Variants in NEDD4L observed in about 807,000 individuals in gnomAD.
NEDD4L encodes the protein NEDD4 like E3 ubiquitin protein ligase.
NEDD4L carries 54 observed loss-of-function variants against 148.9 expected under a neutral mutation model. The observed-to-expected ratio is 0.36, with a 90% CI of 0.29 to 0.45. NEDD4L has a LOEUF of 0.45. Among genes scored for constraint, NEDD4L ranks in the 20% least tolerant of loss-of-function variants. The pLI is 1.00. For missense variants in NEDD4L, 856 were observed against 1,233.8 expected (o/e 0.69, Z 4.59); for synonymous variants, 433 against 440.7 (o/e 0.98, Z 0.22).
At chr18:58,071,453 A>G (rs114028883) in intron 1 of NEDD4L, among the ~76,000 whole-genome samples, 2,263 of 152,352 alleles carry the variant, frequency 0.015, 55 homozygotes, top group African/African-American at 0.051. Context: ...CTTAGCAGGT[A>G]TGAACTGGCA....
intron 2 of NEDD4L, among the ~76,000 whole-genome samples, chr18:58,187,362 G>T (rs1351218767): frequency 6.6e-6 from 1 of 152,184 alleles, no homozygotes; most frequent in Admixed American, 6.5e-5. Context: ...GAGGGCAGGG[G>T]ATGGGTAAGA....
intron 1 of NEDD4L, among the ~76,000 whole-genome samples, chr18:58,153,087 C>T (rs1362044239): frequency 6.6e-6 from 1 of 152,200 alleles, no homozygotes; most frequent in Non-Finnish European, 1.5e-5. Flanking sequence ...CACCTGGCCT[C>T]AGGCTGCATC....
At chr18:58,109,704 G>T (rs962260380) in intron 1 of NEDD4L, among the ~76,000 whole-genome samples, 7 of 151,406 alleles carry the variant, frequency 4.6e-5, no homozygotes, top group African/African-American at 1.7e-4. Flanking sequence ...CCAAGTAGCT[G>T]GGATTACAGG....
intron 1 of NEDD4L, among the ~76,000 whole-genome samples, chr18:58,140,538 A>G (rs1181538120): frequency 6.6e-6 from 1 of 152,108 alleles, no homozygotes; most frequent in Non-Finnish European, 1.5e-5. Flanking sequence ...GAGGAAATAC[A>G]TAGTGTGTCC....
chr18:58,073,952 C>T (rs1157547864), intron 1 of NEDD4L, among the ~76,000 whole-genome samples: 1 of 152,202 alleles, frequency 6.6e-6, no homozygotes, highest in Non-Finnish European at 1.5e-5. Flanking sequence ...GCTGAAATAT[C>T]TGGCTTGTGC....
intron 1 of NEDD4L, among the ~76,000 whole-genome samples, chr18:58,123,967 A>G (rs2030525324): frequency 1.3e-5 from 2 of 152,192 alleles, no homozygotes; most frequent in African/African-American, 4.8e-5. Context: ...CATCCTTCCA[A>G]ATAGCGTAAA....
chr18:58,149,854 C>T (rs951432201), intron 1 of NEDD4L, among the ~76,000 whole-genome samples: 4 of 152,072 alleles, frequency 2.6e-5, no homozygotes, highest in Admixed American at 6.6e-5. Context: ...GTAGGAACAC[C>T]GTGACAGTTG....
At chr18:58,386,436 AC>A (rs1271665895) in intron 26 of NEDD4L, among the ~76,000 whole-genome samples, 1 of 152,122 alleles carries the variant, frequency 6.6e-6, no homozygotes, top group Admixed American at 6.5e-5. Context: ...CATGGAAAAC[AC>A]ATTTTCTTAA....
chr18:58,085,200 C>T (rs1431499367), intron 1 of NEDD4L, among the ~76,000 whole-genome samples: 2 of 152,124 alleles, frequency 1.3e-5, no homozygotes, highest in Admixed American at 1.3e-4. Flanking sequence ...TGGTTCAACC[C>T]AATGAGAACA....
chr18:58,115,245 C>CTTTTTTTTTTTTTTTTTTT (rs60541981), intron 1 of NEDD4L, among the ~76,000 whole-genome samples: 3 of 129,538 alleles, frequency 2.3e-5, no homozygotes, highest in African/African-American at 8.8e-5. Flanking sequence ...TTCTTTCTTT[C>CTTTTTTTTTTTTTTTTTTT]TTTTTTTTTT....
chr18:58,195,548 C>T, intron 2 of NEDD4L: 1 of 1,339,394 alleles, frequency 7.5e-7, no homozygotes, highest in Admixed American at 2.0e-5. Flanking sequence ...AGAGCCCTGT[C>T]CACGCGGTGC....
chr18:58,055,881 T>C (rs1419365062), intron 1 of NEDD4L, among the ~76,000 whole-genome samples: 1 of 152,244 alleles, frequency 6.6e-6, no homozygotes, highest in East Asian at 1.9e-4. Context: ...TTGTCTCCTG[T>C]GATCAGACTC....
intron 2 of NEDD4L, among the ~76,000 whole-genome samples, chr18:58,193,395 C>G (rs1317144337): frequency 1.3e-5 from 2 of 152,246 alleles, no homozygotes; most frequent in African/African-American, 2.4e-5. Flanking sequence ...ATACTGCAAA[C>G]AGATGCCACT....
At chr18:58,369,733 G>A (rs780377173) in intron 22 of NEDD4L, among the ~76,000 whole-genome samples, 1 of 152,204 alleles carries the variant, frequency 6.6e-6, no homozygotes, top group Non-Finnish European at 1.5e-5. Flanking sequence ...TTTGGATCAG[G>A]TGAAATGGAG....
intron 2 of NEDD4L, among the ~76,000 whole-genome samples, chr18:58,183,645 A>G (rs2039100771): frequency 6.6e-6 from 1 of 152,208 alleles, no homozygotes; most frequent in African/African-American, 2.4e-5. Flanking sequence ...TCCATGCTGC[A>G]CGCATGGGCC....
At chr18:58,330,956 T>G (rs1037260752) in intron 11 of NEDD4L, 42 bp downstream of exon 11, 1 of 1,593,692 alleles carries the variant, frequency 6.3e-7, no homozygotes, top group African/African-American at 1.3e-5. Context: ...GAGCAATGTT[T>G]TATTGTTTTT....
intron 5 of NEDD4L, among the ~76,000 whole-genome samples, chr18:58,259,135 A>G (rs1374251104): frequency 1.3e-5 from 2 of 152,196 alleles, no homozygotes; most frequent in South Asian, 2.1e-4. Flanking sequence ...CCTTATTACA[A>G]GATTAAGTTG....
Position 58,341,028 on chromosome 18 carries a change from G to A in NEDD4L, c.1126-10G>A, listed in dbSNP as rs1022693399. On this transcript the variant is annotated splice_polypyrimidine_tract_variant and intron_variant, in intron 13 of 30. Transcript: ENST00000400345. ...AGGTATTAAATAATAATGATTTCTTGCACAAACAGCCATCAGTGGCCTATG... is the reference window on the plus strand; with the variant it reads ...AGGTATTAAATAATAATGATTTCTTACACAAACAGCCATCAGTGGCCTATG... 2.5e-6 allele frequency: 4 copies of A among 1,604,206 alleles called. No homozygotes were observed. The African/African-American group carries it at 5.4e-5, about 21-fold the overall frequency.
At chr18:58,351,490 C>T (rs2043875047) in intron 18 of NEDD4L, among the ~76,000 whole-genome samples, 1 of 152,232 alleles carries the variant, frequency 6.6e-6, no homozygotes, top group Admixed American at 6.5e-5. Context: ...ACCTTATTTT[C>T]TATTCACGGC....
Sources: gnomAD v4.1 joint callset for allele counts (sites outside exome capture counted in the v4.1 genomes callset) on GRCh38, gnomAD v4.1.1 for gene constraint, MANE v1.5 for transcripts, NCBI Gene and HGNC (gene_info 2026-07-23, HGNC 2026-07-21) for gene names.